BNC1: variants seen among roughly 807,000 people sequenced by gnomAD.
BNC1 encodes basonuclin zinc finger protein 1.
Under a neutral mutation model 66.5 loss-of-function variants are expected in BNC1, and 8 were observed. The ratio of observed to expected loss-of-function variants is 0.12; its 90% CI spans 0.07 to 0.22. The LOEUF is 0.22. BNC1 is among the 10% of genes least tolerant of loss of function. BNC1 has a pLI of 1.00. For missense variants in BNC1, 1,069 were observed against 1,241.3 expected (o/e 0.86, Z 2.09); for synonymous variants, 454 against 452.6 (o/e 1.00, Z -0.04).
intron 1 of BNC1, among the ~76,000 whole-genome samples, chr15:83,275,836 T>C (rs1036142417): frequency 1.3e-5 from 2 of 151,930 alleles, no homozygotes; most frequent in Non-Finnish European, 2.9e-5. Flanking sequence ...CCACTGTGCA[T>C]AGGACCTTGT....
At position 83,257,462 on chromosome 15, in the gene BNC1, A is replaced by G. The variant is rs763838299; in HGVS notation, c.2965T>C (p.Ser989Pro). 3.7e-6 allele frequency: 6 copies of G among 1,612,710 alleles called. No homozygotes were observed. Among genetic ancestry groups the G allele is most frequent in the Non-Finnish European group, 5.1e-6 (6 of 1,179,148 alleles). ...TCTTGTTACTGGAGGTGACTTGGAGATGAGGCCAGGCTTTTGTGCAGGTTG... is the reference window on the plus strand; with the variant it reads ...TCTTGTTACTGGAGGTGACTTGGAGGTGAGGCCAGGCTTTTGTGCAGGTTG... The part of the protein sequence containing the change: ...NPNLHKSLAS[S>P]PSHLQ The change falls in exon 5 of 5, where the codon TCT (serine) becomes CCT (proline). Residue 989 changes from serine (S) to proline (P), a missense_variant. Transcript: ENST00000345382.
At position 83,284,640 on chromosome 15, in the gene BNC1, C is replaced by A. The variant is rs1282326785; in HGVS notation, c.-12G>T. On this transcript the variant is annotated 5_prime_UTR_variant, in exon 1 of 5. Transcript: ENST00000345382. The stretch of plus-strand genomic sequence containing the variant: ...GGGCGCCGCCGCATCCACGCTCCGG[C>A]CGTCGGGGCGCGACCCGGCGAAGTG... 1.6e-5 allele frequency: 16 copies of A among 988,584 alleles called. No individual in the cohort carries two copies. Among genetic ancestry groups the A allele is most frequent in the Non-Finnish European group, 1.9e-5 (16 of 833,088 alleles). 61.2% of individuals were successfully genotyped at this position (988,584 alleles called of 1,614,324 possible).
rs1453745721 is a variant in BNC1 at position 83,264,726 on chromosome 15, C to T, written c.525G>A (p.Glu175=). The change falls in exon 4 of 5, where the codon GAG becomes GAA. Residue 175 remains glutamate (E), a synonymous_variant. Transcript: ENST00000345382. The part of the protein sequence containing the change: ...ATLQQFLRFG[E]TKSIVELMAI... ...CCATGAGTTCAACTATAGATTTGGT[C>T]TCTCCAAAACGAAGGAACTGCTGCA... The T allele has an allele frequency of 1.1e-5, 18 of 1,614,026 alleles. No homozygotes were observed. Among genetic ancestry groups the T allele is most frequent in the Non-Finnish European group, 1.4e-5 (16 of 1,180,022 alleles).
intron 1 of BNC1, among the ~76,000 whole-genome samples, chr15:83,276,813 A>G (rs896658547): frequency 6.6e-6 from 1 of 152,226 alleles, no homozygotes; most frequent in Admixed American, 6.5e-5. Flanking sequence ...TTTAATTTGC[A>G]GCCAAATGCA....
intron 1 of BNC1, among the ~76,000 whole-genome samples, chr15:83,269,531 C>G (rs1312069846): frequency 2.6e-5 from 4 of 152,108 alleles, no homozygotes; most frequent in East Asian, 1.9e-4. Context: ...TGTGGCCCTG[C>G]ATGGGGGAGA....
At position 83,263,190 on chromosome 15, in the gene BNC1, C is replaced by A; in HGVS notation, c.2061G>T (p.Leu687Phe). 1 of 1,614,204 alleles carries A rather than the reference C, an allele frequency of 6.2e-7. No homozygotes were observed. The highest frequency in any genetic ancestry group is 8.5e-7 in the Non-Finnish European group (1 of 1,180,042). Residue 687 changes from leucine (L) to phenylalanine (F), a missense_variant, in exon 4 of 5, where the codon TTG becomes TTT. This residue lies in a region of BNC1 where 657 missense variants were observed against 715.8 expected (regional missense o/e 0.92). Transcript: ENST00000345382. ...RLLAGGLFSA[L>F]SNRGMAFPCL... is the part of the protein sequence containing the mutation. ...AAGGAAAAGCCATTCCCCTGTTGGA[C>A]AAAGCACTGAAGAGTCCCCCAGCCA...
Position 83,266,970 on chromosome 15 carries a change from T to C in BNC1, c.301A>G (p.Thr101Ala). The C allele has an allele frequency of 1.9e-6, 3 of 1,614,104 alleles. No homozygotes were observed. Among genetic ancestry groups the C allele is most frequent in the Non-Finnish European group, 2.5e-6 (3 of 1,180,002 alleles). ...FDISSLMLYG[T>A]QAIPVRLKIL... Reference sequence around the variant, plus strand: ...TTTAGGCGAACGGGGATGGCCTGGGTCCCATAGAGCATGAGGCTGCTAATA... The same window carrying C: ...TTTAGGCGAACGGGGATGGCCTGGGCCCCATAGAGCATGAGGCTGCTAATA... The change falls in exon 3 of 5, where the codon ACC becomes GCC. Residue 101 changes from threonine (T) to alanine (A), a missense_variant. Coordinates refer to ENST00000345382, the MANE Select transcript of BNC1 (RefSeq NM_001717.4).
At position 83,257,413 on chromosome 15, in the gene BNC1, T is replaced by C; in HGVS notation, c.*29A>G. 1.3e-6 allele frequency: 2 copies of C among 1,575,462 alleles called. No individual in the cohort carries two copies. The highest frequency in any genetic ancestry group is 1.7e-6 in the Non-Finnish European group (2 of 1,157,400). On this transcript the variant is annotated 3_prime_UTR_variant, in exon 5 of 5. Transcript: ENST00000345382. Reference sequence around the variant, plus strand: ...TTATTCCTGAATTATGAAAAAAGCTTATCTGAGCATACTTGGTTTGCCATC... The same window carrying C: ...TTATTCCTGAATTATGAAAAAAGCTCATCTGAGCATACTTGGTTTGCCATC...
chr15:83,274,212 G>C (rs539051152), intron 1 of BNC1, among the ~76,000 whole-genome samples: 1 of 152,102 alleles, frequency 6.6e-6, no homozygotes, highest in Non-Finnish European at 1.5e-5. Context: ...GCAAAACCCC[G>C]TCTCTACTAA....
chr15:83,265,347 A>G (rs1157212567), intron 3 of BNC1, among the ~76,000 whole-genome samples: 2 of 152,208 alleles, frequency 1.3e-5, no homozygotes, highest in South Asian at 2.1e-4. Context: ...GGCTGTAATT[A>G]CACTGGAGTG....
chr15:83,259,038 C>T (rs946945368), intron 4 of BNC1, among the ~76,000 whole-genome samples: 3 of 152,178 alleles, frequency 2.0e-5, no homozygotes, highest in Non-Finnish European at 2.9e-5. Context: ...ATATTTGTAA[C>T]GTTTCACTAT....
intron 1 of BNC1, among the ~76,000 whole-genome samples, chr15:83,277,610 GT>G (rs1299794297): frequency 6.6e-6 from 1 of 152,062 alleles, no homozygotes; most frequent in Non-Finnish European, 1.5e-5. Flanking sequence ...CGCCTGGCCA[GT>G]TTTTTCTAAG....
At chr15:83,280,403 G>A (rs532587068) in intron 1 of BNC1, among the ~76,000 whole-genome samples, 2 of 152,272 alleles carry the variant, frequency 1.3e-5, no homozygotes, top group South Asian at 4.1e-4. Flanking sequence ...TTACACTTTA[G>A]CATAATTTTA....
intron 1 of BNC1, among the ~76,000 whole-genome samples, chr15:83,270,013 C>A (rs2038254683): frequency 1.3e-5 from 2 of 152,172 alleles, no homozygotes; most frequent in African/African-American, 4.8e-5. Flanking sequence ...CATGAAATGT[C>A]AAGAACAGGC....
At chr15:83,283,063 A>T in intron 1 of BNC1, 64 of 1,281,202 alleles carry the variant, frequency 5.0e-5, no homozygotes, top group Non-Finnish European at 6.0e-5. Context: ...CGAGCGTCTG[A>T]TGCCCCCCGC....
rs572712581 is a variant in BNC1 at position 83,280,728 on chromosome 15, T to C, written c.99+3802A>G. Among the ~76,000 whole-genome samples, 279 of 152,288 alleles carry C rather than the reference T, an allele frequency of 1.8e-3. 2 individuals carry two copies. Among genetic ancestry groups the C allele is most frequent in the Non-Finnish European group, 1.1e-3 (75 of 68,024 alleles). On this transcript the variant is annotated intron_variant, in intron 1 of 4. Transcript: ENST00000345382. ...AAAGGACAACACTTCCGGAAGCTGATGTACAACTAGAAAAGAAATTTGAGG... is the reference window on the plus strand; with the variant it reads ...AAAGGACAACACTTCCGGAAGCTGACGTACAACTAGAAAAGAAATTTGAGG...
Position 83,263,947 on chromosome 15 carries a change from G to A in BNC1, c.1304C>T (p.Ser435Phe). Residue 435 changes from serine to phenylalanine, a missense_variant, in exon 4 of 5, where the codon TCT (serine) becomes TTT (phenylalanine). Physicochemically the swap from Ser to Phe is radical, Grantham distance 155. Transcript: ENST00000345382. ...DLRNSLNLAS[S>F]ENYKCPGFTV... ...GAAACCTGGGCACTTGTAGTTCTCA[G>A]AGCTGGCCAGGTTCAGGCTGTTCCT... is the stretch of plus-strand genomic sequence containing the variant. 11 of 1,614,210 alleles carry A rather than the reference G, an allele frequency of 6.8e-6. No homozygotes were observed. The highest frequency in any genetic ancestry group is 9.3e-6 in the Non-Finnish European group (11 of 1,180,036).
At chr15:83,258,320 G>A (rs1268209700) in intron 4 of BNC1, among the ~76,000 whole-genome samples, 194 bp from the exon 5 acceptor site, 2 of 152,236 alleles carry the variant, frequency 1.3e-5, no homozygotes, top group Non-Finnish European at 2.9e-5. Flanking sequence ...CTTGCCAGAA[G>A]TTAGTGTTCA....
chr15:83,273,995 T>C (rs1189884882), intron 1 of BNC1, among the ~76,000 whole-genome samples: 1 of 152,230 alleles, frequency 6.6e-6, no homozygotes, highest in Non-Finnish European at 1.5e-5. Context: ...CAGGGGGATA[T>C]TCCTGGGGGA....
Sources: gnomAD v4.1 joint callset for allele counts (sites outside exome capture counted in the v4.1 genomes callset) on GRCh38, gnomAD v4.1.1 for gene constraint, gnomAD v4.1.1 regional missense constraint, MANE v1.5 for transcripts, NCBI Gene and HGNC (gene_info 2026-07-23, HGNC 2026-07-21) for gene names.